CFAP221: variants seen among roughly 807,000 people sequenced by gnomAD.
CFAP221 encodes the protein cilia and flagella associated protein 221, also known as cilia- and flagella-associated protein 221.
In CFAP221, 97 loss-of-function variants were observed where a neutral mutation model predicts 113.1. That is an observed-to-expected ratio of 0.86 (90% confidence interval 0.73 to 1.02). CFAP221 has a LOEUF of 1.02. Ranked by LOEUF, CFAP221 falls within the 50% of genes least tolerant of loss-of-function variation. CFAP221 has a pLI of 0.00. For missense variants in CFAP221, 1,025 were observed against 1,013.4 expected, an observed-to-expected ratio of 1.01 and a Z score of -0.16; for synonymous variants, 331 against 354.4, an observed-to-expected ratio of 0.93 and a Z score of 0.74.
chr2:119,607,725 G>A (rs1684869985), intron 11 of CFAP221, among the ~76,000 whole-genome samples: 1 of 152,048 alleles, frequency 6.6e-6, no homozygotes, highest in African/African-American at 2.4e-5. Context: ...CTATGGATTT[G>A]CCCACTCTGG....
chr2:119,545,893 G>A (rs1185747982), intron 1 of CFAP221, among the ~76,000 whole-genome samples, 192 bp from the exon 2 acceptor site: 4 of 152,112 alleles, frequency 2.6e-5, no homozygotes, highest in Non-Finnish European at 5.9e-5. Context: ...GCATGACATT[G>A]GGTTGCAATG....
chr2:119,628,922 T>C (rs1245622901), intron 16 of CFAP221, among the ~76,000 whole-genome samples: 1 of 152,228 alleles, frequency 6.6e-6, no homozygotes, highest in East Asian at 1.9e-4. Flanking sequence ...GCCCCCCTCA[T>C]TATTTTTGAA....
At chr2:119,642,532 CCT>C (rs1491237941) in intron 21 of CFAP221, among the ~76,000 whole-genome samples, 21 of 99,744 alleles carry the variant, frequency 2.1e-4, no homozygotes, top group African/African-American at 6.4e-4. Context: ...AGCTCTCAGG[CCT>C]TTTTTTTTTT....
intron 11 of CFAP221, 61 bp from the exon 12 acceptor site, chr2:119,608,441 C>A: frequency 7.8e-7 from 1 of 1,288,276 alleles, no homozygotes; most frequent in Non-Finnish European, 1.1e-6. Flanking sequence ...AATATTCCAT[C>A]CTAAAGTTGA....
intron 6 of CFAP221, among the ~76,000 whole-genome samples, chr2:119,568,336 TTTTTA>T (rs1397052720): frequency 1.3e-5 from 2 of 152,220 alleles, no homozygotes; most frequent in East Asian, 1.9e-4. Context: ...TTTATTTTTA[TTTTTA>T]TTTTAAGTTC....
At chr2:119,550,485 C>G (rs868844826) in intron 3 of CFAP221, among the ~76,000 whole-genome samples, 6 of 152,156 alleles carry the variant, frequency 3.9e-5, no homozygotes, top group Non-Finnish European at 7.4e-5. Flanking sequence ...ATTTGAAACT[C>G]TTATTAGGAA....
intron 14 of CFAP221, among the ~76,000 whole-genome samples, chr2:119,622,186 T>G (rs1023462576): frequency 6.6e-6 from 1 of 152,144 alleles, no homozygotes; most frequent in Non-Finnish European, 1.5e-5. Context: ...AAAGAGGTTA[T>G]CACCACTGAT....
intron 12 of CFAP221, 88 bp downstream of exon 12, chr2:119,608,677 C>T: frequency 8.7e-7 from 1 of 1,143,088 alleles, no homozygotes; most frequent in Middle Eastern, 2.0e-4. Context: ...GGAGGAAAAC[C>T]CACAGTTAAG....
chr2:119,556,462 C>T (rs1197281443), intron 3 of CFAP221, among the ~76,000 whole-genome samples: 2 of 151,886 alleles, frequency 1.3e-5, no homozygotes, highest in Non-Finnish European at 2.9e-5. Flanking sequence ...AAACTATAGT[C>T]AAATAATGTA....
chr2:119,652,580 A>G (rs1375187701), intron 23 of CFAP221, among the ~76,000 whole-genome samples: 2 of 152,206 alleles, frequency 1.3e-5, no homozygotes, highest in Non-Finnish European at 2.9e-5. Flanking sequence ...AGAGCTCAGT[A>G]AATGTTCTCT....
At chr2:119,619,496 CCTGA>C (rs747531533) in intron 14 of CFAP221, among the ~76,000 whole-genome samples, 5 of 152,204 alleles carry the variant, frequency 3.3e-5, no homozygotes, top group South Asian at 2.1e-4. Flanking sequence ...AGCAGAGGGG[CCTGA>C]CTGTTAGAAG....
At chr2:119,548,953 T>C in intron 2 of CFAP221, 132 bp from the exon 3 acceptor site, 1 of 551,932 alleles carries the variant, frequency 1.8e-6, no homozygotes, top group East Asian at 3.2e-5. Flanking sequence ...TGTTGACAGC[T>C]GGATCCAATG....
At position 119,605,190 on chromosome 2, in the gene CFAP221, A is replaced by G. The variant is rs767634123; in HGVS notation, c.1034A>G (p.Gln345Arg). ...CTGCTCCTGCCTTCAGTTTTGGACC[A>G]GGGCACTGAAATTTCAAAAACGAGA... ...KIKELREVLD[Q>R]GTEISKTRQM... is the part of the protein sequence containing the mutation. Residue 345 changes from glutamine to arginine, a missense_variant, in exon 11 of 24, where the codon CAG becomes CGG. Transcript: ENST00000413369. 1.2e-6 allele frequency: 2 copies of G among 1,613,974 alleles called. No individual in the cohort carries two copies. Among genetic ancestry groups the G allele is most frequent in the East Asian group, 2.2e-5 (1 of 44,882 alleles).
At chr2:119,637,582 G>C (rs1279707053) in intron 19 of CFAP221, among the ~76,000 whole-genome samples, 1 of 152,146 alleles carries the variant, frequency 6.6e-6, no homozygotes, top group East Asian at 1.9e-4. Context: ...GGGGCGCTAC[G>C]TTGTTTGGGA....
downstream of CFAP221, among the ~76,000 whole-genome samples, chr2:119,659,632 G>A (rs1688551436): frequency 6.6e-6 from 1 of 152,248 alleles, no homozygotes; most frequent in Non-Finnish European, 1.5e-5. Flanking sequence ...GCCCCCAAGG[G>A]CTCCCATGTG....
chr2:119,600,187 C>A (rs931266516), intron 7 of CFAP221, among the ~76,000 whole-genome samples: 1 of 152,122 alleles, frequency 6.6e-6, no homozygotes, highest in African/African-American at 2.4e-5. Context: ...ATTGATCCTC[C>A]CTTTCTTCGC....
At chr2:119,631,084 T>C in intron 19 of CFAP221, 183 bp downstream of exon 19, 1 of 1,290,278 alleles carries the variant, frequency 7.8e-7, no homozygotes, top group South Asian at 2.8e-5. Flanking sequence ...GATTCCGTCT[T>C]TTAGCAATTC....
intron 7 of CFAP221, among the ~76,000 whole-genome samples, chr2:119,587,525 A>C (rs1683306961): frequency 6.6e-6 from 1 of 152,198 alleles, no homozygotes; most frequent in South Asian, 2.1e-4. Flanking sequence ...TTTCAGATAA[A>C]ATAGGAATCT....
chr2:119,575,520 C>A (rs1682381939), intron 6 of CFAP221, among the ~76,000 whole-genome samples: 1 of 152,056 alleles, frequency 6.6e-6, no homozygotes, highest in Non-Finnish European at 1.5e-5. Flanking sequence ...TAATTTCACT[C>A]CTATGAAGTA....
Sources: allele counts gnomAD v4.1 joint callset (sites outside exome capture counted in the v4.1 genomes callset), GRCh38; gene constraint gnomAD v4.1.1; transcripts MANE v1.5; gene names NCBI Gene and HGNC (gene_info 2026-07-23, HGNC 2026-07-21).